Variants in DAB1 observed in about 807,000 individuals in gnomAD.
The protein encoded by DAB1 is DAB adaptor protein 1, also known as disabled homolog 1.
A neutral mutation model predicts 64.6 loss-of-function variants in DAB1; 15 were observed. The ratio of observed to expected loss-of-function variants is 0.23; its 90% CI spans 0.16 to 0.36. The LOEUF (loss-of-function observed/expected upper bound fraction) is 0.36. DAB1 is among the 10% of genes least tolerant of loss of function. The pLI is 1.00. For missense variants in DAB1, 596 were observed against 706.7 expected, an observed-to-expected ratio of 0.84 and a Z score of 1.78; for synonymous variants, 235 against 251.9, an observed-to-expected ratio of 0.93 and a Z score of 0.64.
intron 6 of DAB1, among the ~76,000 whole-genome samples, chr1:57,745,933 AAAG>A (rs751212453): frequency 2.1e-4 from 32 of 152,208 alleles, no homozygotes; most frequent in African/African-American, 4.8e-4. Flanking sequence ...TGAGTGGCTT[AAAG>A]AAGATTTTCA....
chr1:57,643,762 A>T (rs566267270), intron 7 of DAB1, among the ~76,000 whole-genome samples: 3 of 152,336 alleles, frequency 2.0e-5, no homozygotes, highest in African/African-American at 7.2e-5. Context: ...CAAGCTCAAC[A>T]CTTGGTCACA....
chr1:58,419,121 T>C (rs1177206039), intron 3 of DAB1, among the ~76,000 whole-genome samples: 4 of 152,178 alleles, frequency 2.6e-5, no homozygotes, highest in Non-Finnish European at 4.4e-5. Context: ...TATTTATCTT[T>C]ACCAGCTCAG....
intron 4 of DAB1, among the ~76,000 whole-genome samples, chr1:57,080,204 C>T (rs79629315): frequency 1.4e-3 from 211 of 152,294 alleles, no homozygotes; most frequent in African/African-American, 4.9e-3. Flanking sequence ...ACTCATGCTA[C>T]CATTAAACAA....
intron 2 of DAB1, among the ~76,000 whole-genome samples, chr1:57,152,928 A>G (rs1225829428): frequency 6.6e-6 from 1 of 152,200 alleles, no homozygotes; most frequent in African/African-American, 2.4e-5. Context: ...TTACAATCAC[A>G]TACCACTATT....
intron 7 of DAB1, among the ~76,000 whole-genome samples, chr1:57,493,509 G>A (rs1026368875): frequency 1.3e-5 from 2 of 152,122 alleles, no homozygotes; most frequent in African/African-American, 4.8e-5. Flanking sequence ...TTATATGAAT[G>A]TATCACTTTT....
chr1:58,415,463 G>T (rs1044202874), intron 3 of DAB1: 2 of 244,214 alleles, frequency 8.2e-6, no homozygotes, highest in Non-Finnish European at 1.3e-5. Flanking sequence ...GTCCCTGGCT[G>T]CCCTTGGGGA....
intron 6 of DAB1, among the ~76,000 whole-genome samples, chr1:57,805,963 CT>C (rs1274300375): frequency 6.6e-6 from 1 of 152,182 alleles, no homozygotes; most frequent in African/African-American, 2.4e-5. Context: ...CCCTTAACCT[CT>C]TTCAGTCTAC....
At chr1:58,506,675 T>C (rs546932366) in intron 2 of DAB1, among the ~76,000 whole-genome samples, 3 of 152,306 alleles carry the variant, frequency 2.0e-5, no homozygotes, top group African/African-American at 4.8e-5. Context: ...TTAAAAATTC[T>C]GTTTTCATAA....
intron 4 of DAB1, among the ~76,000 whole-genome samples, chr1:57,105,399 CTG>C (rs1008745366): frequency 4.9e-4 from 74 of 151,510 alleles, no homozygotes; most frequent in African/African-American, 1.4e-3. Flanking sequence ...GTGTGTGTGT[CTG>C]TGTGTGTGTG....
chr1:58,508,987 T>G (rs1646031846), intron 2 of DAB1, among the ~76,000 whole-genome samples: 1 of 152,104 alleles, frequency 6.6e-6, no homozygotes, highest in Admixed American at 6.6e-5. Context: ...CCTAGACACC[T>G]AGGCACCACT....
intron 1 of DAB1, among the ~76,000 whole-genome samples, chr1:57,392,247 C>T (rs925688527): frequency 1.3e-5 from 2 of 152,148 alleles, no homozygotes; most frequent in African/African-American, 4.8e-5. Context: ...GTGGCACATG[C>T]CTGTAGTCCC....
intron 7 of DAB1, among the ~76,000 whole-genome samples, chr1:57,527,070 C>G (rs1240671158): frequency 6.6e-6 from 1 of 152,118 alleles, no homozygotes; most frequent in Non-Finnish European, 1.5e-5. Context: ...CTCCTGTGTT[C>G]CAATCCAGTG....
chr1:57,851,614 C>T (rs1215268693), intron 1 of DAB1, among the ~76,000 whole-genome samples: 2 of 152,180 alleles, frequency 1.3e-5, no homozygotes, highest in Non-Finnish European at 2.9e-5. Flanking sequence ...GCCTTTGCTC[C>T]TGCAAGAAGC....
intron 3 of DAB1, among the ~76,000 whole-genome samples, chr1:58,452,655 C>CA (rs1245979623): frequency 0.032 from 3,373 of 105,486 alleles, 133 homozygotes; most frequent in African/African-American, 0.095. Context: ...ACAAAAATAC[C>CA]AAAAAAAAAA....
At chr1:57,136,985 A>G (rs1037214389) in intron 3 of DAB1, among the ~76,000 whole-genome samples, 9 of 152,268 alleles carry the variant, frequency 5.9e-5, no homozygotes, top group African/African-American at 2.2e-4. Context: ...TGGGTTTTAT[A>G]TTAGATATGG....
chr1:57,567,003 T>A (rs1470545762), intron 7 of DAB1, among the ~76,000 whole-genome samples: 2 of 152,194 alleles, frequency 1.3e-5, no homozygotes, highest in African/African-American at 2.4e-5. Flanking sequence ...ATGTCCCTGA[T>A]GAACGTCAAT....
At chr1:57,740,046 C>CTACA (rs1320762175) in intron 6 of DAB1, among the ~76,000 whole-genome samples, 3 of 103,116 alleles carry the variant, frequency 2.9e-5, no homozygotes, top group African/African-American at 1.1e-4. Flanking sequence ...ACTACTACTA[C>CTACA]AAAAAAAAAA....
chr1:57,029,406 G>A lies in DAB1; in HGVS notation c.724-3363C>T, dbSNP rs139908976. Among the ~76,000 whole-genome samples, 269 of 152,312 alleles carry A rather than the reference G, an allele frequency of 1.8e-3. 1 individual carries two copies. Among genetic ancestry groups the A allele is most frequent in the Non-Finnish European group, 2.5e-3 (173 of 68,026 alleles). ...ACTCCTGCTAGGGCAGTGTGGAAGG[G>A]AAATGTGTGGTCAGAGCCTCCATAC... On this transcript the variant is annotated intron_variant, in intron 9 of 14. Coordinates refer to ENST00000371236, the MANE Select transcript of DAB1 (RefSeq NM_001365792.1).
At chr1:57,002,218 G>A (rs577208264) in intron 14 of DAB1, among the ~76,000 whole-genome samples, 27 of 152,240 alleles carry the variant, frequency 1.8e-4, no homozygotes, top group East Asian at 5.8e-4. Flanking sequence ...CAATTTTCTC[G>A]AAGGTGCAGT....
Sources: gnomAD v4.1 joint callset for allele counts (sites outside exome capture counted in the v4.1 genomes callset) on GRCh38, gnomAD v4.1.1 for gene constraint, MANE v1.5 for transcripts, NCBI Gene and HGNC (gene_info 2026-07-23, HGNC 2026-07-21) for gene names.